Variants in GRID2 observed in about 807,000 individuals in gnomAD.
GRID2 encodes the protein glutamate receptor ionotropic, delta-2.
GRID2 carries 33 observed loss-of-function variants against 114.8 expected under a neutral mutation model. The ratio of observed to expected loss-of-function variants is 0.29; its 90% CI spans 0.22 to 0.38. The LOEUF (loss-of-function observed/expected upper bound fraction) is 0.38. GRID2 is among the 10% of genes least tolerant of loss of function. GRID2 has a pLI of 1.00. For synonymous variants in GRID2, 505 were observed against 449.9 expected, an observed-to-expected ratio of 1.12 and a Z score of -1.55; for missense variants, 1,184 against 1,257.7, an observed-to-expected ratio of 0.94 and a Z score of 0.89.
intron 13 of GRID2, among the ~76,000 whole-genome samples, chr4:93,554,853 C>G (rs990871214): frequency 1.3e-5 from 2 of 152,108 alleles, no homozygotes; most frequent in African/African-American, 4.8e-5. Flanking sequence ...GTCTTCAGCT[C>G]CCAGCAAAAT....
At chr4:93,143,960 A>T (rs767243965) in intron 4 of GRID2, among the ~76,000 whole-genome samples, 1 of 152,182 alleles carries the variant, frequency 6.6e-6, no homozygotes, top group Admixed American at 6.6e-5. Flanking sequence ...ACTCCAGCAC[A>T]GTTCTTAGGA....
intron 6 of GRID2, among the ~76,000 whole-genome samples, chr4:93,217,676 G>A (rs1219583393): frequency 2.0e-5 from 3 of 151,438 alleles, no homozygotes; most frequent in African/African-American, 4.9e-5. Context: ...GCAAGAGACG[G>A]GAAAAAAATC....
At chr4:92,392,398 G>C (rs1003507352) in intron 1 of GRID2, among the ~76,000 whole-genome samples, 1 of 152,070 alleles carries the variant, frequency 6.6e-6, no homozygotes, top group African/African-American at 2.4e-5. Flanking sequence ...AATTATCTGA[G>C]TGTGGTGGTG....
At chr4:92,751,415 A>G (rs1426264559) in intron 2 of GRID2, among the ~76,000 whole-genome samples, 1 of 152,200 alleles carries the variant, frequency 6.6e-6, no homozygotes, top group African/African-American at 2.4e-5. Context: ...CCTATTCTAA[A>G]TATACATCAA....
rs574792208 is a variant in GRID2, at chr4:93,616,832, C to T, written c.2194-9437C>T. On this transcript the variant is annotated intron_variant, in intron 13 of 15. Coordinates refer to ENST00000282020, the MANE Select transcript of GRID2 (RefSeq NM_001510.4). Reference sequence around the variant, plus strand: ...ATAGTGAAACCCCATCTCTACTAAACAAAATACAAAAAATTAGCCAGGCGT... The same window carrying T: ...ATAGTGAAACCCCATCTCTACTAAATAAAATACAAAAAATTAGCCAGGCGT... Among the ~76,000 whole-genome samples, 17 of 150,922 alleles carry T rather than the reference C, an allele frequency of 1.1e-4. 1 individual carries two copies. Among genetic ancestry groups the T allele is most frequent in the Admixed American group, 7.9e-4 (12 of 15,112 alleles).
intron 1 of GRID2, among the ~76,000 whole-genome samples, chr4:92,384,943 T>C (rs1257717550): frequency 6.6e-6 from 1 of 151,074 alleles, no homozygotes; most frequent in South Asian, 2.1e-4. Flanking sequence ...AAAGGATAGA[T>C]TGCATCACCA....
Position 92,467,719 on chromosome 4 carries a change from A to T in GRID2, c.89-122412A>T, listed in dbSNP as rs188671666. Among the ~76,000 whole-genome samples the T allele has an allele frequency of 3.7e-3, 569 of 152,122 alleles. 2 individuals carry two copies. Among genetic ancestry groups the T allele is most frequent in the African/African-American group, 0.012 (509 of 41,530 alleles). Reference sequence around the variant, plus strand: ...AATTAAGGTGCTGTAACTTGAACGAACACTCAAATTAATGTGTACACATGT... The same window carrying T: ...AATTAAGGTGCTGTAACTTGAACGATCACTCAAATTAATGTGTACACATGT... On this transcript the variant is annotated intron_variant, in intron 1 of 15. Transcript: ENST00000282020.
At chr4:92,795,733 C>T (rs1165434495) in intron 2 of GRID2, among the ~76,000 whole-genome samples, 1 of 151,994 alleles carries the variant, frequency 6.6e-6, no homozygotes, top group East Asian at 1.9e-4. Flanking sequence ...GTCAGATTGT[C>T]TATTGTTAAT....
downstream of GRID2, among the ~76,000 whole-genome samples, chr4:93,776,224 C>A (rs1734367250): frequency 6.6e-6 from 1 of 152,106 alleles, no homozygotes; most frequent in East Asian, 1.9e-4. Context: ...TATAGCCAAC[C>A]CTCATGACCA....
At chr4:93,390,404 T>G (rs1269979089) in intron 8 of GRID2, among the ~76,000 whole-genome samples, 1 of 152,132 alleles carries the variant, frequency 6.6e-6, no homozygotes, top group Non-Finnish European at 1.5e-5. Flanking sequence ...TAACAAACAT[T>G]TCTTTAGTCT....
At chr4:93,073,326 T>G (rs1329059515) in intron 2 of GRID2, among the ~76,000 whole-genome samples, 1 of 152,182 alleles carries the variant, frequency 6.6e-6, no homozygotes, top group Non-Finnish European at 1.5e-5. Context: ...TAATGTAAAC[T>G]TATGGTATTG....
chr4:92,573,358 TG>T (rs1727724573), intron 1 of GRID2, among the ~76,000 whole-genome samples: 1 of 152,184 alleles, frequency 6.6e-6, no homozygotes, highest in African/African-American at 2.4e-5. Flanking sequence ...CTGCTAGCAT[TG>T]GGGTTTGTTT....
intron 4 of GRID2, among the ~76,000 whole-genome samples, chr4:93,178,910 G>A (rs1739624894): frequency 6.6e-6 from 1 of 152,116 alleles, no homozygotes; most frequent in Non-Finnish European, 1.5e-5. Context: ...AAAGTAACAA[G>A]TATTCTACTT....
At chr4:93,442,340 C>T (rs1473795464) in intron 10 of GRID2, among the ~76,000 whole-genome samples, 1 of 151,990 alleles carries the variant, frequency 6.6e-6, no homozygotes, top group African/African-American at 2.4e-5. Flanking sequence ...TTGAAGAAGT[C>T]TCTACATGAC....
chr4:92,609,642 T>C (rs1417996373), intron 2 of GRID2, among the ~76,000 whole-genome samples: 2 of 150,556 alleles, frequency 1.3e-5, no homozygotes, highest in South Asian at 2.1e-4. Flanking sequence ...TATATAATAA[T>C]AGTAGATCAC....
intron 13 of GRID2, among the ~76,000 whole-genome samples, chr4:93,591,735 C>G (rs1161131311): frequency 6.6e-6 from 1 of 152,116 alleles, no homozygotes; most frequent in Admixed American, 6.6e-5. Flanking sequence ...AATTTCAGAT[C>G]CTGTTATTGG....
Position 92,600,033 on chromosome 4 carries a change from T to TATATATAA in GRID2, c.244+9747_244+9748insATATATAA, listed in dbSNP as rs1285906632. ...GGGCAATACTTCATGTATGTGTGTG[T>TATATATAA]GTGTGTGTGTGTATATATATATATA... On this transcript the variant is annotated intron_variant, in intron 2 of 15. Transcript: ENST00000282020. Among the ~76,000 whole-genome samples the TATATATAA allele has an allele frequency of 3.3e-3, 246 of 73,804 alleles. 3 individuals are homozygous for TATATATAA. The highest frequency in any genetic ancestry group is 0.011 in the South Asian group (22 of 1,994). The allele number at this position is 73,804 out of a possible 152,430, so 48.4% of individuals were successfully genotyped here.
intron 8 of GRID2, among the ~76,000 whole-genome samples, chr4:93,277,966 A>T (rs996187208): frequency 1.3e-5 from 2 of 152,010 alleles, no homozygotes; most frequent in Non-Finnish European, 1.5e-5. Context: ...GATTTATAGG[A>T]TTTCCATAAT....
chr4:92,827,034 T>C (rs1741752596), intron 2 of GRID2, among the ~76,000 whole-genome samples: 1 of 152,066 alleles, frequency 6.6e-6, no homozygotes, highest in Admixed American at 6.6e-5. Flanking sequence ...GGAAGGCTAT[T>C]GAAATACACT....
Sources: allele counts gnomAD v4.1 joint callset (sites outside exome capture counted in the v4.1 genomes callset), GRCh38; gene constraint gnomAD v4.1.1; transcripts MANE v1.5; gene names NCBI Gene and HGNC (gene_info 2026-07-23, HGNC 2026-07-21).